ZNF846: variants seen among roughly 807,000 people sequenced by gnomAD.
ZNF846 encodes zinc finger protein 420 pseudogene.
ZNF846 carries 15 observed loss-of-function variants against 16.0 expected under a neutral mutation model. The ratio of observed to expected loss-of-function variants is 0.94; its 90% confidence interval spans 0.63 to 1.45. The LOEUF (loss-of-function observed/expected upper bound fraction) is 1.45, where lower values mean the gene tolerates loss of function less well. Ranked by LOEUF, ZNF846 falls within the 40% of genes most tolerant of loss-of-function variation. The probability of loss-of-function intolerance (pLI) is 0.00; values close to 1 mark genes in which losing one functional copy is unlikely to be tolerated. For missense variants in ZNF846, 714 were observed against 622.3 expected, an observed-to-expected ratio of 1.15 and a Z score of -1.57; for synonymous variants, 229 against 212.0, an observed-to-expected ratio of 1.08 and a Z score of -0.70.
intron 5 of ZNF846, 142 bp from the exon 6 acceptor site, chr19:9,758,906 T>G: frequency 1.4e-6 from 1 of 692,814 alleles, no homozygotes; most frequent in South Asian, 3.1e-5. Flanking sequence ...TCCAGCCCCA[T>G]TTTTGAGTTA....
intron 2 of ZNF846, among the ~76,000 whole-genome samples, chr19:9,764,220 G>A (rs1224335775): frequency 6.6e-6 from 1 of 152,098 alleles, no homozygotes; most frequent in South Asian, 2.1e-4. Flanking sequence ...TTAAAGTTAA[G>A]GCATACTCCC....
downstream of ZNF846, among the ~76,000 whole-genome samples, chr19:9,750,369 C>G (rs1331743457): frequency 2.6e-5 from 4 of 152,154 alleles, no homozygotes; most frequent in Non-Finnish European, 5.9e-5. Context: ...TGAACCTTCC[C>G]TCTACGCAGT....
intron 2 of ZNF846, among the ~76,000 whole-genome samples, chr19:9,764,253 C>T (rs2045278961): frequency 6.6e-6 from 1 of 152,172 alleles, no homozygotes; most frequent in Non-Finnish European, 1.5e-5. Context: ...CTGGTCTAAC[C>T]AGTTGTCTAG....
rs546204844 is a variant in ZNF846 at position 9,775,068 on chromosome 19, C to T, written c.-85-10033G>A. 3.9e-5 allele frequency: 37 copies of T among 958,164 alleles called. No homozygotes were observed. In the African/African-American group the frequency reaches 5.2e-4, roughly 13 times the overall value. 59.4% of individuals were successfully genotyped at this position (958,164 alleles called of 1,614,324 possible). A position where few individuals can be genotyped will look rare whatever the true frequency, so the allele number is the denominator to read the frequency against. Reference sequence around the variant, plus strand: ...GAAATTGACACGTGCCACCGCCTGACATTCACTTGTGGCAGTTACTAACTT... The same window carrying T: ...GAAATTGACACGTGCCACCGCCTGATATTCACTTGTGGCAGTTACTAACTT... On this transcript the variant is annotated intron_variant, in intron 1 of 4. Transcript: ENST00000586814.
At chr19:9,762,113 C>T (rs756318160) in exon 4 of ZNF846, 1 of 1,614,086 alleles carries the variant, frequency 6.2e-7, no homozygotes, top group Admixed American at 1.7e-5. Flanking sequence ...CTGTCCTCAG[C>T]TCTTCCATTT....
At chr19:9,756,345 G>GTGTATGTA (rs1321690890), downstream of ZNF846, 2 of 81,776 alleles carry the variant, frequency 2.4e-5, no homozygotes, top group African/African-American at 1.2e-4. Context: ...GTGTGTGTGT[G>GTGTATGTA]TATATATATA....
In ZNF846 at chr19:9,763,199, T is replaced by C. The variant is rs114490110; in HGVS notation, c.142+83A>G. ...CCAAGGTCCATGCCTGTCTTGCTTA[T>C]TACAGTACCCTCATTTGACAGCAAA... On this transcript the variant is annotated intron_variant, in intron 3 of 5. Coordinates refer to ENST00000397902, the Ensembl canonical transcript of ZNF846. 1,994 of 1,352,680 alleles carry C rather than the reference T, an allele frequency of 1.5e-3. 24 individuals carry two copies. The African/African-American group carries it at 0.025, about 17-fold the overall frequency. The allele number at this position is 1,352,680 out of a possible 1,614,324, so 83.8% of individuals were successfully genotyped here.
chr19:9,783,613 C>T (rs143552619), intron 1 of ZNF846, among the ~76,000 whole-genome samples: 63 of 147,036 alleles, frequency 4.3e-4, no homozygotes, highest in Non-Finnish European at 7.1e-4. Flanking sequence ...CATAATTTCA[C>T]CAGGCTGGTC....
At chr19:9,757,889 A>G in exon 6 of ZNF846, 2 of 1,613,454 alleles carry the variant, frequency 1.2e-6, no homozygotes, top group East Asian at 4.5e-5. Flanking sequence ...CACATTCTTT[A>G]CATTCATAGG....
chr19:9,774,716 A>G (rs1049514936), intron 1 of ZNF846: 9 of 1,531,220 alleles, frequency 5.9e-6, no homozygotes, highest in Admixed American at 1.7e-5. Context: ...TAAAACAAAG[A>G]TCTATCACCC....
chr19:9,757,238 C>A (rs1421128543), downstream of ZNF846, among the ~76,000 whole-genome samples: 1 of 151,416 alleles, frequency 6.6e-6, no homozygotes, highest in Non-Finnish European at 1.5e-5. Flanking sequence ...GAAACAAAGG[C>A]TTTACCACAT....
chr19:9,765,070 CA>C (rs2045293588), intron 1 of ZNF846, 35 bp from the exon 2 acceptor site: 1 of 1,134,310 alleles, frequency 8.8e-7, no homozygotes, highest in Non-Finnish European at 1.3e-6. Flanking sequence ...CAGTTGGATA[CA>C]TCAAAGAAAA....
Position 9,765,054 on chromosome 19 carries a change from G to C in ZNF846, c.-85-19C>G, listed in dbSNP as rs750953393. ...AAATGACCTTTGGAAAAGAATAATGGCATGTCAGTTGGATACATCAAAGAA... is the reference window on the plus strand; with the variant it reads ...AAATGACCTTTGGAAAAGAATAATGCCATGTCAGTTGGATACATCAAAGAA... On this transcript the variant is annotated intron_variant, in intron 1 of 5. Coordinates refer to ENST00000397902, the Ensembl canonical transcript of ZNF846. 1.5e-5 allele frequency: 19 copies of C among 1,273,734 alleles called. No individual in the cohort carries two copies. The highest frequency in any genetic ancestry group is 2.1e-5 in the Non-Finnish European group (18 of 872,486). The allele number at this position is 1,273,734 out of a possible 1,614,324, so 78.9% of individuals were successfully genotyped here. A position where few individuals can be genotyped will look rare whatever the true frequency, so the allele number is the denominator to read the frequency against.
upstream of ZNF846, among the ~76,000 whole-genome samples, chr19:9,773,317 A>T (rs925263065): frequency 2.6e-5 from 4 of 152,118 alleles, no homozygotes; most frequent in African/African-American, 4.8e-5. Context: ...GTGCAACACC[A>T]CACCCAGTGC....
intron 1 of ZNF846, among the ~76,000 whole-genome samples, chr19:9,780,784 CCA>C (rs1045857767): frequency 1.6e-4 from 25 of 152,154 alleles, no homozygotes; most frequent in African/African-American, 6.0e-4. Context: ...TTCTAATGTT[CCA>C]CAGTTAGAGA....
chr19:9,753,498 C>T (rs922646786), downstream of ZNF846, among the ~76,000 whole-genome samples: 1 of 151,028 alleles, frequency 6.6e-6, no homozygotes, highest in Non-Finnish European at 1.5e-5. Context: ...TTGTGATCCA[C>T]CCACCTTGGC....
intron 1 of ZNF846, among the ~76,000 whole-genome samples, chr19:9,766,026 C>T (rs973444760): frequency 2.0e-5 from 3 of 152,146 alleles, no homozygotes; most frequent in Admixed American, 1.3e-4. Context: ...AGTAAGAATA[C>T]TTTTGTGTCT....
chr19:9,756,375 A>G (rs1322879861), downstream of ZNF846: 1 of 136,950 alleles, frequency 7.3e-6, no homozygotes, highest in African/African-American at 3.0e-5. Flanking sequence ...ATATATATAT[A>G]TATATATATA....
downstream of ZNF846, among the ~76,000 whole-genome samples, chr19:9,754,804 TC>T (rs1041193047): frequency 2.0e-5 from 3 of 151,252 alleles, no homozygotes; most frequent in African/African-American, 7.4e-5. Flanking sequence ...TTTAGTGACA[TC>T]TTTTTTTCGT....
Sources: allele counts gnomAD v4.1 joint callset (sites outside exome capture counted in the v4.1 genomes callset), GRCh38; gene constraint gnomAD v4.1.1; transcripts MANE v1.5; gene names NCBI Gene and HGNC (gene_info 2026-07-23, HGNC 2026-07-21).